Variants in MBNL2 observed in about 807,000 individuals in gnomAD.
MBNL2 encodes muscleblind-like protein 2.
Under a neutral mutation model 41.9 loss-of-function variants are expected in MBNL2, and 17 were observed. The observed-to-expected ratio is 0.41, with a 90% confidence interval of 0.28 to 0.61. The LOEUF (loss-of-function observed/expected upper bound fraction) is 0.61, where lower values mean the gene tolerates loss of function less well. Among genes scored for constraint, MBNL2 ranks in the 20% least tolerant of loss-of-function variants. The pLI is 0.35. For synonymous variants in MBNL2, 195 were observed against 182.9 expected (o/e 1.07, Z -0.53); for missense variants, 336 against 505.6 (o/e 0.66, Z 3.22).
At chr13:97,210,970 G>T in the MBNL2 span, among the ~76,000 whole-genome samples, 1 of 152,054 alleles carries the variant, frequency 6.6e-6, no homozygotes. Context: ...GGAGAAGAGG[G>T]GTGGTGAAAG....
chr13:97,221,231 C>T (rs2040830583), upstream of MBNL2, among the ~76,000 whole-genome samples: 1 of 152,064 alleles, frequency 6.6e-6, no homozygotes, highest in Non-Finnish European at 1.5e-5. Context: ...CTGTCTTGGT[C>T]TCATCATGTA....
intron 2 of MBNL2, among the ~76,000 whole-genome samples, chr13:97,280,936 AC>A (rs1212891593): frequency 6.6e-6 from 1 of 151,982 alleles, no homozygotes. Flanking sequence ...TTTCCTTCTC[AC>A]CTGGCTTTAC....
chr13:97,250,646 T>G (rs2046336876), intron 1 of MBNL2, among the ~76,000 whole-genome samples: 1 of 152,204 alleles, frequency 6.6e-6, no homozygotes, highest in Non-Finnish European at 1.5e-5. Flanking sequence ...AGCTATTCAT[T>G]TGTTTGCTTT....
chr13:97,145,291 A>G, the MBNL2 span, among the ~76,000 whole-genome samples: 5 of 152,208 alleles, frequency 3.3e-5, no homozygotes, highest in Non-Finnish European at 7.3e-5. Context: ...CTGATCCTGA[A>G]GGAGCAGATA....
At chr13:97,145,841 C>T in the MBNL2 span, among the ~76,000 whole-genome samples, 5 of 152,170 alleles carry the variant, frequency 3.3e-5, no homozygotes, top group African/African-American at 4.8e-5. Flanking sequence ...CTCCCTGAAA[C>T]AAGGCAAGGC....
rs117898942 is a variant in MBNL2, at chr13:97,275,863, A to G, written c.-373A>G. On this transcript the variant is annotated 5_prime_UTR_variant, in exon 2 of 9. Transcript: ENST00000679496. ...TGAACATCTGAGTGTCTTATTTTCC[A>G]ACATCGTCAATAGCTGTGAGCGTCA... The G allele has an allele frequency of 1.9e-3, 314 of 165,490 alleles. 1 individual carries two copies. Among genetic ancestry groups the G allele is most frequent in the South Asian group, 6.3e-3 (32 of 5,082 alleles). 10.3% of individuals were successfully genotyped at this position (165,490 alleles called of 1,614,324 possible).
intron 5 of MBNL2, among the ~76,000 whole-genome samples, chr13:97,353,540 C>T (rs1425241459): frequency 1.3e-5 from 2 of 152,120 alleles, no homozygotes; most frequent in Non-Finnish European, 2.9e-5. Context: ...TGGAGATTTC[C>T]TGCTTATTTT....
At chr13:97,175,314 A>G in the MBNL2 span, among the ~76,000 whole-genome samples, 12 of 152,108 alleles carry the variant, frequency 7.9e-5, no homozygotes, top group Non-Finnish European at 1.6e-4. Context: ...TTTATCCTTC[A>G]TAGGTGTCTC....
upstream of MBNL2, among the ~76,000 whole-genome samples, chr13:97,216,519 G>A (rs139459237): frequency 1.3e-5 from 2 of 152,256 alleles, no homozygotes; most frequent in African/African-American, 4.8e-5. Context: ...AGGCCCGTCA[G>A]CAACTTACCT....
intron 1 of MBNL2, among the ~76,000 whole-genome samples, chr13:97,240,879 C>T (rs1231703260): frequency 6.6e-6 from 1 of 152,114 alleles, no homozygotes. Context: ...GCTGTTTTGG[C>T]ACAGATAAAA....
rs571312346 is a variant in MBNL2 at position 97,379,746 on chromosome 13, G to A, written c.1049-11576G>A. On this transcript the variant is annotated intron_variant, in intron 8 of 8. Coordinates refer to ENST00000679496, the MANE Select transcript of MBNL2 (RefSeq NM_001382683.1). ...AAGGGATTCAGGATTGGCAGGAAAGGGGGATGTGGAGTTATTCTCTAACGG... is the reference window on the plus strand; with the variant it reads ...AAGGGATTCAGGATTGGCAGGAAAGAGGGATGTGGAGTTATTCTCTAACGG... 6.6e-5 allele frequency among the ~76,000 whole-genome samples: 10 copies of A among 152,196 alleles called. No individual in the cohort carries two copies. The East Asian group carries it at 2.0e-3, about 30-fold the overall frequency.
intron 5 of MBNL2, among the ~76,000 whole-genome samples, chr13:97,354,519 T>A (rs2153102543): frequency 6.6e-6 from 1 of 151,814 alleles, no homozygotes; most frequent in South Asian, 2.1e-4. Context: ...CACCACAGAG[T>A]GGTAGAAAGA....
At chr13:97,265,067 A>G (rs1359069198) in intron 1 of MBNL2, among the ~76,000 whole-genome samples, 2 of 152,264 alleles carry the variant, frequency 1.3e-5, no homozygotes, top group African/African-American at 4.8e-5. Context: ...TTGAATACAA[A>G]TACGTGTTGA....
chr13:97,202,791 C>G, the MBNL2 span, among the ~76,000 whole-genome samples: 1 of 152,156 alleles, frequency 6.6e-6, no homozygotes, highest in African/African-American at 2.4e-5. Flanking sequence ...AACCGTTACC[C>G]AAATCAAAGC....
chr13:97,251,423 G>A (rs2046473749), intron 1 of MBNL2, among the ~76,000 whole-genome samples: 1 of 151,884 alleles, frequency 6.6e-6, no homozygotes, highest in South Asian at 2.1e-4. Context: ...TAAAGAAAAA[G>A]ACATAGCTGA....
chr13:97,203,618 G>GC, the MBNL2 span, among the ~76,000 whole-genome samples: 3 of 152,002 alleles, frequency 2.0e-5, no homozygotes, highest in Admixed American at 2.0e-4. Context: ...TCTTGGCATG[G>GC]CCTCCCCTGC....
intron 2 of MBNL2, among the ~76,000 whole-genome samples, chr13:97,321,460 C>T (rs890853056): frequency 6.6e-6 from 1 of 152,188 alleles, no homozygotes; most frequent in Non-Finnish European, 1.5e-5. Context: ...AGTGCATTAT[C>T]ATGCAAAGTC....
the MBNL2 span, among the ~76,000 whole-genome samples, chr13:97,167,611 T>G: frequency 6.6e-6 from 1 of 152,200 alleles, no homozygotes; most frequent in Non-Finnish European, 1.5e-5. Context: ...TCAGTTCCTT[T>G]AACATATTTA....
At chr13:97,162,279 G>A in the MBNL2 span, among the ~76,000 whole-genome samples, 23 of 150,300 alleles carry the variant, frequency 1.5e-4, no homozygotes, top group Non-Finnish European at 2.7e-4. Context: ...GACCCAAAGC[G>A]TATCAACATC....
Sources: allele counts gnomAD v4.1 joint callset (sites outside exome capture counted in the v4.1 genomes callset), GRCh38; gene constraint gnomAD v4.1.1; transcripts MANE v1.5; gene names NCBI Gene and HGNC (gene_info 2026-07-23, HGNC 2026-07-21).